The following TRDN variants were observed in gnomAD, a reference collection of about 807,000 sequenced individuals.
TRDN encodes the protein triadin.
TRDN carries 161 observed loss-of-function variants against 149.7 expected under a neutral mutation model. The ratio of observed to expected loss-of-function variants is 1.08; its 90% CI spans 0.95 to 1.23. TRDN has a LOEUF of 1.23. Among genes scored for constraint, TRDN ranks in the 50% most tolerant of loss-of-function variants. The probability of loss-of-function intolerance (pLI) is 0.00; values close to 1 mark genes in which losing one functional copy is unlikely to be tolerated. For synonymous variants in TRDN, 294 were observed against 250.5 expected (o/e 1.17, Z -1.64); for missense variants, 896 against 823.5 (o/e 1.09, Z -1.08).
chr6:123,520,306 A>G (rs1779611055), intron 5 of TRDN, among the ~76,000 whole-genome samples: 1 of 152,182 alleles, frequency 6.6e-6, no homozygotes, highest in Non-Finnish European at 1.5e-5. Context: ...AGCTGATAGG[A>G]ATATAAGAAG....
chr6:123,229,538 C>T (rs1582747165), intron 38 of TRDN, among the ~76,000 whole-genome samples: 1 of 151,942 alleles, frequency 6.6e-6, no homozygotes, highest in Non-Finnish European at 1.5e-5. Context: ...AAAGTTTTTA[C>T]TTATCTCCAA....
chr6:123,559,532 AC>A (rs1391269463), intron 2 of TRDN, among the ~76,000 whole-genome samples: 1 of 151,778 alleles, frequency 6.6e-6, no homozygotes, highest in African/African-American at 2.4e-5. Flanking sequence ...AGAATAAGAT[AC>A]CTCTACTCCC....
intron 4 of TRDN, among the ~76,000 whole-genome samples, chr6:123,536,464 T>C (rs915902202): frequency 1.3e-5 from 2 of 152,038 alleles, no homozygotes; most frequent in Non-Finnish European, 2.9e-5. Context: ...AAATATTTTA[T>C]TTCTAAATAT....
chr6:123,322,210 A>G (rs1779266946), intron 23 of TRDN, among the ~76,000 whole-genome samples: 1 of 152,192 alleles, frequency 6.6e-6, no homozygotes, highest in African/African-American at 2.4e-5. Flanking sequence ...AAGCAAGGTG[A>G]TGATATTCTC....
chr6:123,254,839 T>C (rs558155589), intron 37 of TRDN: 226 of 347,586 alleles, frequency 6.5e-4, no homozygotes, highest in African/African-American at 4.5e-3. Context: ...TTTCTTCTGA[T>C]GTGTAACAGA....
chr6:123,233,003 T>C (rs535103794), intron 38 of TRDN, among the ~76,000 whole-genome samples: 1 of 152,212 alleles, frequency 6.6e-6, no homozygotes, highest in South Asian at 2.1e-4. Flanking sequence ...GTGGAATCCT[T>C]AGTCATAGAT....
chr6:123,239,318 G>T (rs953868775), intron 38 of TRDN, among the ~76,000 whole-genome samples: 30 of 152,076 alleles, frequency 2.0e-4, no homozygotes, highest in African/African-American at 7.2e-4. Flanking sequence ...CATAGGAGGA[G>T]ATGTCAATAT....
At chr6:123,525,304 A>G (rs4897271) in intron 5 of TRDN, among the ~76,000 whole-genome samples, 49,336 of 151,914 alleles carry the variant, frequency 0.32, 8,295 homozygotes, top group Admixed American at 0.45. Flanking sequence ...AACCAAACAT[A>G]AGTGTCCATC....
At chr6:123,500,877 G>A (rs929957284) in intron 8 of TRDN, among the ~76,000 whole-genome samples, 2 of 152,160 alleles carry the variant, frequency 1.3e-5, no homozygotes, top group African/African-American at 2.4e-5. Flanking sequence ...ATATCAAATA[G>A]TTGTTTTAAA....
At chr6:123,303,586 T>C (rs1050732702) in intron 24 of TRDN, among the ~76,000 whole-genome samples, 1 of 152,096 alleles carries the variant, frequency 6.6e-6, no homozygotes, top group African/African-American at 2.4e-5. Flanking sequence ...GATGAATAAA[T>C]AGGATGTTTT....
intron 1 of TRDN, among the ~76,000 whole-genome samples, chr6:123,595,771 C>T (rs1248649179): frequency 6.6e-6 from 1 of 152,066 alleles, no homozygotes; most frequent in African/African-American, 2.4e-5. Flanking sequence ...TAATTGTTTA[C>T]AGGCTCCATG....
At chr6:123,245,522 A>G (rs1456642957) in intron 38 of TRDN, among the ~76,000 whole-genome samples, 2 of 152,164 alleles carry the variant, frequency 1.3e-5, no homozygotes, top group Non-Finnish European at 2.9e-5. Flanking sequence ...TGGTAAAGGG[A>G]TCAATGCAAC....
intron 4 of TRDN, among the ~76,000 whole-genome samples, chr6:123,531,844 T>C (rs1371256545): frequency 6.6e-6 from 1 of 152,072 alleles, no homozygotes; most frequent in Non-Finnish European, 1.5e-5. Flanking sequence ...ACATTCTGAA[T>C]TGGGTGAAGC....
intron 20 of TRDN, among the ~76,000 whole-genome samples, chr6:123,361,634 T>G (rs891517543): frequency 6.6e-6 from 1 of 152,196 alleles, no homozygotes; most frequent in Non-Finnish European, 1.5e-5. Context: ...CTTCACTCCC[T>G]CTTTCCTCAT....
chr6:123,525,993 G>A (rs1047314616), intron 5 of TRDN, among the ~76,000 whole-genome samples: 7 of 151,982 alleles, frequency 4.6e-5, no homozygotes, highest in Non-Finnish European at 1.0e-4. Flanking sequence ...ATCTTGAGAT[G>A]GTGAGATTAT....
At chr6:123,325,205 C>T (rs1225810319) in intron 23 of TRDN, among the ~76,000 whole-genome samples, 2 of 151,930 alleles carry the variant, frequency 1.3e-5, no homozygotes, top group African/African-American at 4.8e-5. Flanking sequence ...TACTAAGTAG[C>T]TAATTCAGCA....
intron 12 of TRDN, among the ~76,000 whole-genome samples, chr6:123,417,302 C>G (rs1041411274): frequency 3.3e-5 from 5 of 149,380 alleles, no homozygotes; most frequent in Non-Finnish European, 7.4e-5. Flanking sequence ...GCCTAAAATC[C>G]TACAATATAA....
In TRDN at chr6:123,278,349, T is replaced by TA; in HGVS notation, c.1538-3dup. ...TCTCTTCCTTTTTTCCTTGTAGTTC[T>TA]AAAAATATAGATGAACATTAGTAAC... is the stretch of plus-strand genomic sequence containing the variant. On this transcript the variant is annotated splice_region_variant and splice_polypyrimidine_tract_variant and intron_variant, in intron 25 of 40. Transcript: ENST00000334268. The TA allele has an allele frequency of 7.8e-7, 1 of 1,284,274 alleles. No individual in the cohort carries two copies. Among genetic ancestry groups the TA allele is most frequent in the Non-Finnish European group, 1.1e-6 (1 of 947,644 alleles). The allele number at this position is 1,284,274 out of a possible 1,614,324, so 79.6% of individuals were successfully genotyped here. A position where few individuals can be genotyped will look rare whatever the true frequency, so the allele number is the denominator to read the frequency against.
chr6:123,452,342 A>C (rs531913820), intron 10 of TRDN, among the ~76,000 whole-genome samples: 2 of 152,136 alleles, frequency 1.3e-5, no homozygotes, highest in African/African-American at 4.8e-5. Context: ...TTTTACCTTG[A>C]AAAACCTAAA....
Sources: gnomAD v4.1 joint callset for allele counts (sites outside exome capture counted in the v4.1 genomes callset) on GRCh38, gnomAD v4.1.1 for gene constraint, MANE v1.5 for transcripts, NCBI Gene and HGNC (gene_info 2026-07-23, HGNC 2026-07-21) for gene names.